Variants in TSPAN13 observed in about 807,000 individuals in gnomAD.
The protein encoded by TSPAN13 is tetraspanin-13.
A neutral mutation model predicts 26.9 loss-of-function variants in TSPAN13; 18 were observed. That is an observed-to-expected ratio of 0.67 (90% CI 0.46 to 0.99). The LOEUF is 0.99. Ranked by LOEUF, TSPAN13 falls within the 50% of genes least tolerant of loss-of-function variation. TSPAN13 has a pLI of 0.00. For synonymous variants in TSPAN13, 116 were observed against 98.4 expected (o/e 1.18, Z -1.06); for missense variants, 201 against 249.6 (o/e 0.81, Z 1.31).
intron 1 of TSPAN13, among the ~76,000 whole-genome samples, chr7:16,756,104 C>A (rs1022860211): frequency 6.6e-6 from 1 of 152,052 alleles, no homozygotes; most frequent in African/African-American, 2.4e-5. Context: ...AAAGTGGAGG[C>A]AAGTGACAGG....
In TSPAN13 at chr7:16,783,429, T is replaced by G; in HGVS notation, c.553T>G (p.Trp185Gly). The G allele has an allele frequency of 3.1e-6, 5 of 1,613,862 alleles. No individual in the cohort carries two copies. The highest frequency in any genetic ancestry group is 4.2e-6 in the Non-Finnish European group (5 of 1,179,826). Residue 185 changes from tryptophan to glycine, a missense_variant, in exon 6 of 6, where the codon TGG (tryptophan) becomes GGG (glycine). Physicochemically the swap from Trp to Gly is radical, Grantham distance 184. Coordinates refer to ENST00000262067, the MANE Select transcript of TSPAN13 (RefSeq NM_014399.4). ...TTCCCCATTCCAGATCCTGGGTGTTTGGCTGACCTACAGATACAGGAACCA... is the reference window on the plus strand; with the variant it reads ...TTCCCCATTCCAGATCCTGGGTGTTGGGCTGACCTACAGATACAGGAACCA... ...FFSFTEILGVWLTYRYRNQKD... is the reference protein window; with the variant it reads ...FFSFTEILGVGLTYRYRNQKD...
At chr7:16,756,201 A>G (rs868846016) in intron 1 of TSPAN13, among the ~76,000 whole-genome samples, 1 of 152,180 alleles carries the variant, frequency 6.6e-6, no homozygotes, top group Admixed American at 6.5e-5. Context: ...CTCTTTCTCA[A>G]CATTTTAAGA....
At chr7:16,781,930 C>A (rs763005407) in intron 5 of TSPAN13, among the ~76,000 whole-genome samples, 1 of 152,070 alleles carries the variant, frequency 6.6e-6, no homozygotes, top group Non-Finnish European at 1.5e-5. Flanking sequence ...GTCAGATTAC[C>A]GAATAAAACC....
intron 5 of TSPAN13, among the ~76,000 whole-genome samples, chr7:16,781,832 G>GA (rs1431575007): frequency 2.6e-5 from 4 of 152,102 alleles, no homozygotes; most frequent in Non-Finnish European, 5.9e-5. Context: ...GTGGGGCGGG[G>GA]GGACTCAAAG....
chr7:16,780,448 C>A (rs1784802426), intron 5 of TSPAN13, among the ~76,000 whole-genome samples: 1 of 152,122 alleles, frequency 6.6e-6, no homozygotes, highest in South Asian at 2.1e-4. Context: ...TTTAGTCTGA[C>A]CATTTTTTCA....
chr7:16,763,294 G>A (rs1339873315), intron 1 of TSPAN13, among the ~76,000 whole-genome samples: 1 of 152,204 alleles, frequency 6.6e-6, no homozygotes, highest in African/African-American at 2.4e-5. Flanking sequence ...GATCACCATG[G>A]TGAAGGTAAA....
At chr7:16,767,380 T>C (rs1784617993) in intron 1 of TSPAN13, among the ~76,000 whole-genome samples, 2 of 152,356 alleles carry the variant, frequency 1.3e-5, no homozygotes, top group Admixed American at 1.3e-4. Flanking sequence ...TTTTTGAAAT[T>C]TGTCAATTTA....
At position 16,784,044 on chromosome 7, in the gene TSPAN13, C is replaced by G. The variant is rs1784844743; in HGVS notation, c.*553C>G. On this transcript the variant is annotated 3_prime_UTR_variant, in exon 6 of 6. Transcript: ENST00000262067. ...TTACTTGTAGTCTTTTATGATTACA[C>G]CAATGTATTCTAGAAATAGTTATGT... The G allele has an allele frequency of 6.6e-6, 1 of 152,580 alleles. No individual in the cohort carries two copies. Among genetic ancestry groups the G allele is most frequent in the Non-Finnish European group, 1.5e-5 (1 of 68,104 alleles). 9.5% of individuals were successfully genotyped at this position (152,580 alleles called of 1,614,324 possible).
chr7:16,769,919 T>A (rs1187284556), intron 1 of TSPAN13, among the ~76,000 whole-genome samples: 1 of 152,154 alleles, frequency 6.6e-6, no homozygotes, highest in Non-Finnish European at 1.5e-5. Context: ...TGAGTGTGAT[T>A]TTTGCTTTGG....
chr7:16,772,140 CT>C (rs1784686577), intron 1 of TSPAN13, among the ~76,000 whole-genome samples: 1 of 152,048 alleles, frequency 6.6e-6, no homozygotes, highest in Non-Finnish European at 1.5e-5. Context: ...GAAGAGTTTC[CT>C]CATTTTGCCG....
At position 16,755,871 on chromosome 7, in the gene TSPAN13, AC is replaced by A. The variant is rs1397445381; in HGVS notation, c.63+1842del. On this transcript the variant is annotated intron_variant, in intron 1 of 5. Coordinates refer to ENST00000262067, the MANE Select transcript of TSPAN13 (RefSeq NM_014399.4). ...GGTGATTCTAAAGGGACATATTAAG[AC>A]TATTTAATATCTATTCTAAATTATT... Among the ~76,000 whole-genome samples, 5 of 152,286 alleles carry A rather than the reference AC, an allele frequency of 3.3e-5. No homozygotes were observed. In the East Asian group the frequency reaches 9.7e-4, roughly 29 times the overall value.
Position 16,777,948 on chromosome 7 carries a change from A to G in TSPAN13, c.426+37A>G, listed in dbSNP as rs749796358. On this transcript the variant is annotated intron_variant, in intron 4 of 5. Transcript: ENST00000262067. ...GTATAATATATGTTTTTGGAAATGT[A>G]TTACAGATAAATAATGATTAATGTG... is the stretch of plus-strand genomic sequence containing the variant. The G allele has an allele frequency of 1.9e-5, 27 of 1,443,770 alleles. No homozygotes were observed. The South Asian group carries it at 2.9e-4, about 16-fold the overall frequency. The allele number at this position is 1,443,770 out of a possible 1,614,324, so 89.4% of individuals were successfully genotyped here.
intron 1 of TSPAN13, among the ~76,000 whole-genome samples, chr7:16,760,215 G>C (rs1234111444): frequency 6.6e-6 from 1 of 152,170 alleles, no homozygotes; most frequent in Non-Finnish European, 1.5e-5. Flanking sequence ...TATGGCTTTT[G>C]AGTTAAGAAT....
rs1047452962 is a variant in TSPAN13 at position 16,783,317 on chromosome 7, G to C, written c.541-100G>C. Reference sequence around the variant, plus strand: ...CTCCCCGTTGAACAAAAGATGCAAAGCGATTGAGAGGGTCCAAAGTTATTT... The same window carrying C: ...CTCCCCGTTGAACAAAAGATGCAAACCGATTGAGAGGGTCCAAAGTTATTT... On this transcript the variant is annotated intron_variant, in intron 5 of 5. Transcript: ENST00000262067. 5 of 1,151,528 alleles carry C rather than the reference G, an allele frequency of 4.3e-6. No individual in the cohort carries two copies. The African/African-American group carries it at 7.9e-5, about 18-fold the overall frequency. 71.3% of individuals were successfully genotyped at this position (1,151,528 alleles called of 1,614,324 possible).
chr7:16,762,071 T>TA (rs200053733), intron 1 of TSPAN13, among the ~76,000 whole-genome samples: 26 of 151,404 alleles, frequency 1.7e-4, no homozygotes, highest in Middle Eastern at 3.4e-3. Context: ...ATTTTGGTAC[T>TA]AAAAAAAAAG....
At chr7:16,761,410 A>C (rs1784539594) in intron 1 of TSPAN13, among the ~76,000 whole-genome samples, 1 of 152,204 alleles carries the variant, frequency 6.6e-6, no homozygotes, top group South Asian at 2.1e-4. Context: ...TCTTTTCTGA[A>C]TTGCTCTTCA....
intron 1 of TSPAN13, among the ~76,000 whole-genome samples, chr7:16,775,212 C>T (rs914506261): frequency 2.0e-5 from 3 of 152,154 alleles, no homozygotes; most frequent in Admixed American, 6.5e-5. Flanking sequence ...CCACTCCTCC[C>T]CTAATACCTA....
chr7:16,782,719 C>A (rs570598028), intron 5 of TSPAN13, among the ~76,000 whole-genome samples: 1 of 152,202 alleles, frequency 6.6e-6, no homozygotes, highest in South Asian at 2.1e-4. Flanking sequence ...TTTGCTGTTA[C>A]TTAAATTTTA....
intron 1 of TSPAN13, among the ~76,000 whole-genome samples, chr7:16,773,574 T>C (rs1350041826): frequency 6.6e-6 from 1 of 152,180 alleles, no homozygotes; most frequent in African/African-American, 2.4e-5. Flanking sequence ...TGCCAAGCCC[T>C]GTTCTAATAG....
Sources: allele counts gnomAD v4.1 joint callset (sites outside exome capture counted in the v4.1 genomes callset), GRCh38; gene constraint gnomAD v4.1.1; transcripts MANE v1.5; gene names NCBI Gene and HGNC (gene_info 2026-07-23, HGNC 2026-07-21).